The following CATSPERB variants were observed in gnomAD, a reference collection of about 807,000 sequenced individuals.
The protein encoded by CATSPERB is catsper channel auxiliary subunit beta, also known as cation channel sperm-associated auxiliary subunit beta.
Under a neutral mutation model 128.3 loss-of-function variants are expected in CATSPERB, and 93 were observed. The observed-to-expected ratio is 0.72, with a 90% CI of 0.61 to 0.86. CATSPERB has a LOEUF of 0.86. Ranked by LOEUF, CATSPERB falls within the 40% of genes least tolerant of loss-of-function variation. The pLI is 0.00. For synonymous variants in CATSPERB, 381 were observed against 448.8 expected, an observed-to-expected ratio of 0.85 and a Z score of 1.91; for missense variants, 1,153 against 1,329.5, an observed-to-expected ratio of 0.87 and a Z score of 2.06.
In CATSPERB at chr14:91,610,526, C is replaced by A; in HGVS notation, c.2552G>T (p.Gly851Val). 1 of 1,613,922 alleles carries A rather than the reference C, an allele frequency of 6.2e-7. No individual in the cohort carries two copies. The highest frequency in any genetic ancestry group is 8.5e-7 in the Non-Finnish European group (1 of 1,180,004). Residue 851 changes from glycine to valine, a missense_variant, in exon 21 of 27, where the codon GGA (glycine) becomes GTA (valine). Coordinates refer to ENST00000256343, the MANE Select transcript of CATSPERB (RefSeq NM_024764.4). Reference sequence around the variant, plus strand: ...AAAACCCTGACTGTCTTTATGAACTCCACTAATCCAGTCTTCAAATGGGAT... The same window carrying A: ...AAAACCCTGACTGTCTTTATGAACTACACTAATCCAGTCTTCAAATGGGAT... ...KFIPFEDWIS[G>V]VHKDSQGFNL... is the part of the protein sequence containing the mutation.
At chr14:91,595,324 T>A (rs989186266) in intron 22 of CATSPERB, among the ~76,000 whole-genome samples, 1 of 151,588 alleles carries the variant, frequency 6.6e-6, no homozygotes, top group African/African-American at 2.4e-5. Flanking sequence ...ATTTTTAATT[T>A]ATTTATTTTT....
intron 2 of CATSPERB, among the ~76,000 whole-genome samples, chr14:91,726,789 A>G (rs72703386): frequency 1.9e-4 from 29 of 152,314 alleles, no homozygotes; most frequent in Non-Finnish European, 3.5e-4. Flanking sequence ...CTGGAACTTG[A>G]AAGTGCAAAT....
At position 91,705,825 on chromosome 14, in the gene CATSPERB, C is replaced by T. The variant is rs1895723395; in HGVS notation, c.467-1124G>A. On this transcript the variant is annotated intron_variant, in intron 6 of 26. Coordinates refer to ENST00000256343, the MANE Select transcript of CATSPERB (RefSeq NM_024764.4). ...AGACCAGGGTAGACAATGAGCCTTT[C>T]GAAAGAACGTCATCAGACAAGGCGT... Among the ~76,000 whole-genome samples the T allele has an allele frequency of 2.0e-5, 3 of 152,184 alleles. No homozygotes were observed. The South Asian group carries it at 6.2e-4, about 32-fold the overall frequency.
intron 11 of CATSPERB, among the ~76,000 whole-genome samples, chr14:91,676,996 G>A (rs951831074): frequency 2.0e-5 from 3 of 152,168 alleles, no homozygotes; most frequent in Admixed American, 1.3e-4. Context: ...TTAATAAATG[G>A]TGCTGGGAAA....
chr14:91,670,976 C>G (rs1238881169), intron 13 of CATSPERB, among the ~76,000 whole-genome samples: 1 of 152,070 alleles, frequency 6.6e-6, no homozygotes, highest in Non-Finnish European at 1.5e-5. Flanking sequence ...GCACTCCAGC[C>G]TGGGTGACAG....
chr14:91,587,835 C>CATATACTTTAAAGGT, intron 25 of CATSPERB, 143 bp downstream of exon 25: 1 of 626,918 alleles, frequency 1.6e-6, no homozygotes, highest in Non-Finnish European at 2.8e-6. Context: ...AAACCCTCTT[C>CATATACTTTAAAGGT]ATATACTTTA....
At chr14:91,662,042 T>A (rs1894896319) in intron 14 of CATSPERB, among the ~76,000 whole-genome samples, 1 of 152,192 alleles carries the variant, frequency 6.6e-6, no homozygotes, top group African/African-American at 2.4e-5. Flanking sequence ...TATCTATACA[T>A]GGCTCATTTG....
intron 7 of CATSPERB, among the ~76,000 whole-genome samples, chr14:91,695,165 C>T (rs1027917815): frequency 8.1e-5 from 12 of 148,682 alleles, no homozygotes; most frequent in East Asian, 7.9e-4. Context: ...AGTCTCACTC[C>T]GTCATCCAGG....
At chr14:91,687,305 T>C (rs1895392249) in intron 10 of CATSPERB, among the ~76,000 whole-genome samples, 1 of 152,198 alleles carries the variant, frequency 6.6e-6, no homozygotes, top group Admixed American at 6.5e-5. Context: ...TTGCAACATG[T>C]CCTTTCTTGC....
intron 5 of CATSPERB, among the ~76,000 whole-genome samples, chr14:91,713,662 G>C (rs916569591): frequency 7.2e-5 from 11 of 152,094 alleles, no homozygotes; most frequent in Admixed American, 5.9e-4. Context: ...TCTATTAAGG[G>C]ATAATGAATG....
rs780299744 is a variant in CATSPERB, at chr14:91,659,948, G to A, written c.1321C>T (p.Gln441Ter). 10 of 1,598,130 alleles carry A rather than the reference G, an allele frequency of 6.3e-6. No individual in the cohort carries two copies. The highest frequency in any genetic ancestry group is 2.7e-5 in the African/African-American group (2 of 73,678). The part of the protein sequence containing the change: ...WLSVDGGNTF[Q>*]LIANFHDDII... Reference sequence around the variant, plus strand: ...TCATCATGAAAGTTAGCTATTAATTGAAAGGTGTTGCCGCCATCAACTGAA... The same window carrying A: ...TCATCATGAAAGTTAGCTATTAATTAAAAGGTGTTGCCGCCATCAACTGAA... The change falls in exon 15 of 27, where the codon CAA (glutamine) becomes TAA (stop). Residue 441 changes from glutamine (Q) to a stop codon, truncating the protein, a stop_gained. Transcript: ENST00000256343. LOFTEE classifies it high-confidence loss of function.
chr14:91,711,158 C>T (rs1484025587), intron 5 of CATSPERB, among the ~76,000 whole-genome samples: 1 of 152,186 alleles, frequency 6.6e-6, no homozygotes, highest in Non-Finnish European at 1.5e-5. Flanking sequence ...TTTTGTCTTC[C>T]TCCACCTGAT....
At chr14:91,664,617 A>G (rs1894947496) in intron 14 of CATSPERB, among the ~76,000 whole-genome samples, 1 of 152,148 alleles carries the variant, frequency 6.6e-6, no homozygotes, top group Non-Finnish European at 1.5e-5. Context: ...ATCTGGATAT[A>G]CCAAGTTTAT....
chr14:91,665,168 C>A (rs1002416360), intron 14 of CATSPERB, among the ~76,000 whole-genome samples: 1 of 152,104 alleles, frequency 6.6e-6, no homozygotes, highest in Non-Finnish European at 1.5e-5. Flanking sequence ...GCTGGGATTA[C>A]AGGTGTGAGC....
chr14:91,671,951 C>T (rs577463809), intron 13 of CATSPERB, among the ~76,000 whole-genome samples: 55 of 151,812 alleles, frequency 3.6e-4, no homozygotes, highest in African/African-American at 8.9e-4. Flanking sequence ...ACCCGGGAGG[C>T]GGAGCTTGCA....
At position 91,617,725 on chromosome 14, in the gene CATSPERB, G is replaced by A; in HGVS notation, c.2272C>T (p.Leu758Phe). 1 of 1,596,458 alleles carries A rather than the reference G, an allele frequency of 6.3e-7. No homozygotes were observed. Among genetic ancestry groups the A allele is most frequent in the South Asian group, 1.2e-5 (1 of 86,714 alleles). ...AACACAGTCAGTAGTGGTATTTCAA[G>A]CATTCGAAAACCTATGGAAACAAGG... Reference protein sequence around the residue: ...VIRNAKGFRMLEIPLLTVFVG... With the variant: ...VIRNAKGFRMFEIPLLTVFVG... The change falls in exon 20 of 27, where the codon CTT becomes TTT. Residue 758 changes from leucine (L) to phenylalanine (F), a missense_variant. By Grantham distance (22) the Leu-to-Phe change is conservative. Transcript: ENST00000256343.
intron 21 of CATSPERB, among the ~76,000 whole-genome samples, chr14:91,608,666 G>A (rs1307247556): frequency 9.2e-5 from 14 of 152,110 alleles, no homozygotes. Flanking sequence ...TTATCAAAGA[G>A]TCTTAGTGAT....
chr14:91,639,565 A>G (rs893633755), intron 15 of CATSPERB, among the ~76,000 whole-genome samples: 4 of 152,202 alleles, frequency 2.6e-5, no homozygotes, highest in Non-Finnish European at 1.5e-5. Context: ...AGCAAATCAG[A>G]TTCCTGAAGA....
At chr14:91,624,493 T>C (rs961884546) in intron 18 of CATSPERB, among the ~76,000 whole-genome samples, 1 of 151,932 alleles carries the variant, frequency 6.6e-6, no homozygotes, top group East Asian at 1.9e-4. Flanking sequence ...AAGCAAAAAT[T>C]AGCTGGGTGT....
Sources: allele counts gnomAD v4.1 joint callset (sites outside exome capture counted in the v4.1 genomes callset), GRCh38; gene constraint gnomAD v4.1.1; transcripts MANE v1.5; gene names NCBI Gene and HGNC (gene_info 2026-07-23, HGNC 2026-07-21).